Variants in IQSEC1 observed in about 807,000 individuals in gnomAD.
IQSEC1 encodes IQ motif and Sec7 domain ArfGEF 1.
A neutral mutation model predicts 91.0 loss-of-function variants in IQSEC1; 31 were observed. The ratio of observed to expected loss-of-function variants is 0.34; its 90% CI spans 0.26 to 0.46. IQSEC1 has a LOEUF of 0.46. Ranked by LOEUF, IQSEC1 falls within the 20% of genes least tolerant of loss-of-function variation. The pLI is 1.00. For missense variants in IQSEC1, 1,388 were observed against 1,575.6 expected, an observed-to-expected ratio of 0.88 and a Z score of 2.02; for synonymous variants, 699 against 662.6, an observed-to-expected ratio of 1.05 and a Z score of -0.84.
At position 12,932,169 on chromosome 3, in the gene IQSEC1, T is replaced by C. The variant is rs149824554; in HGVS notation, c.1568+3279A>G. ...TACCAGGTACAGGAGCAGGAGACGC[T>C]GGGGTGGGGTTCCAATGCGGAGGTG... On this transcript the variant is annotated intron_variant, in intron 3 of 13. Transcript: ENST00000613206. Among the ~76,000 whole-genome samples the C allele has an allele frequency of 5.8e-3, 890 of 152,222 alleles. 2 individuals carry two copies. The highest frequency in any genetic ancestry group is 0.02 in the Middle Eastern group (6 of 294).
intron 1 of IQSEC1, among the ~76,000 whole-genome samples, chr3:13,010,480 A>C (rs1025880993): frequency 5.9e-5 from 9 of 152,176 alleles, no homozygotes; most frequent in Admixed American, 4.6e-4. Flanking sequence ...TGGATATGAC[A>C]AATGTCGACC....
chr3:13,149,653 C>A (rs879569637), intron 2 of IQSEC1, among the ~76,000 whole-genome samples: 1 of 152,116 alleles, frequency 6.6e-6, no homozygotes, highest in East Asian at 1.9e-4. Context: ...AAGGTGTCAT[C>A]CCCGTGTGCA....
Position 13,214,862 on chromosome 3 carries a change from G to A in IQSEC1, c.273-50729C>T, listed in dbSNP as rs1252609269. 1.3e-5 allele frequency among the ~76,000 whole-genome samples: 2 copies of A among 152,218 alleles called. No homozygotes were observed. The highest frequency in any genetic ancestry group is 2.4e-5 in the African/African-American group (1 of 41,460). On this transcript the variant is annotated intron_variant, in intron 1 of 15. Transcript: ENST00000648114. This position sits in a 1 kb window ranked among gnomAD's most constrained non-coding sequence, Gnocchi z 4.5. ...CAGGTCCCAGTGTTTGCAGCTGAGC[G>A]CCAGGACCGACGTCGGGCTCTGCTG...
intron 1 of IQSEC1, among the ~76,000 whole-genome samples, chr3:13,041,467 GCAGA>G (rs2125040555): frequency 6.6e-6 from 1 of 152,314 alleles, no homozygotes; most frequent in South Asian, 2.1e-4. Context: ...GCTAATGGCC[GCAGA>G]CTTCACAGAG....
At chr3:13,014,821 C>T (rs1471263955) in intron 1 of IQSEC1, among the ~76,000 whole-genome samples, 1 of 152,226 alleles carries the variant, frequency 6.6e-6, no homozygotes, top group Non-Finnish European at 1.5e-5. Flanking sequence ...CAGGGATCTA[C>T]AGATCCTCAA....
At position 13,157,111 on chromosome 3, in the gene IQSEC1, T is replaced by TG. The variant is rs556180444; in HGVS notation, c.302+6992dup. Among the ~76,000 whole-genome samples, 4 of 152,356 alleles carry TG rather than the reference T, an allele frequency of 2.6e-5. No homozygotes were observed. The East Asian group carries it at 7.7e-4, about 29-fold the overall frequency. The stretch of plus-strand genomic sequence containing the variant: ...TCCCAAACACTGGACCTGGGTCAGA[T>TG]GCACACATACACATTGTGTCACCAC... On this transcript the variant is annotated intron_variant, in intron 2 of 15. Transcript: ENST00000648114.
chr3:13,153,912 G>A (rs1179016184), intron 2 of IQSEC1, among the ~76,000 whole-genome samples: 1 of 152,150 alleles, frequency 6.6e-6, no homozygotes. Context: ...ATGGAGGTAT[G>A]AGTGTGCCTG....
At chr3:13,088,569 C>A (rs1305868488) in intron 2 of IQSEC1, among the ~76,000 whole-genome samples, 1 of 152,124 alleles carries the variant, frequency 6.6e-6, no homozygotes, top group Non-Finnish European at 1.5e-5. Flanking sequence ...TGATTCAGCT[C>A]TCAGCCAGAC....
At chr3:13,248,742 G>T (rs960390132) in intron 1 of IQSEC1, among the ~76,000 whole-genome samples, 1 of 152,184 alleles carries the variant, frequency 6.6e-6, no homozygotes, top group Non-Finnish European at 1.5e-5. Context: ...TACAGACCAG[G>T]CTATTTTTAT....
intron 1 of IQSEC1, among the ~76,000 whole-genome samples, chr3:13,240,478 G>C (rs1484223401): frequency 1.3e-5 from 2 of 152,202 alleles, no homozygotes; most frequent in Admixed American, 6.5e-5. Context: ...TCAGAGGCTT[G>C]GAGGAACCCA....
intron 12 of IQSEC1, among the ~76,000 whole-genome samples, chr3:12,905,522 G>A (rs1473942913): frequency 6.6e-6 from 1 of 152,272 alleles, no homozygotes; most frequent in Non-Finnish European, 1.5e-5. Context: ...GGGCCCACAG[G>A]GTCTGACCGC....
upstream of IQSEC1, among the ~76,000 whole-genome samples, chr3:13,076,390 C>T (rs1195684592): frequency 6.6e-6 from 1 of 152,194 alleles, no homozygotes; most frequent in East Asian, 1.9e-4. Flanking sequence ...CATCTCACAT[C>T]CATCTCCCTT....
intron 1 of IQSEC1, among the ~76,000 whole-genome samples, chr3:13,200,013 C>T (rs547957771): frequency 1.7e-4 from 25 of 150,486 alleles, no homozygotes; most frequent in African/African-American, 5.4e-4. Flanking sequence ...CACACACACA[C>T]GCCACATGTA....
At chr3:13,197,530 T>C (rs965342532) in intron 1 of IQSEC1, among the ~76,000 whole-genome samples, 1 of 151,872 alleles carries the variant, frequency 6.6e-6, no homozygotes, top group Admixed American at 6.6e-5. Flanking sequence ...GCCTCAAATG[T>C]CCCCCACAGG....
chr3:13,173,398 C>T (rs1232849972), intron 1 of IQSEC1, among the ~76,000 whole-genome samples: 1 of 152,236 alleles, frequency 6.6e-6, no homozygotes, highest in Admixed American at 6.5e-5. Flanking sequence ...GCAGCCCGGG[C>T]TCCCCCGGGG....
chr3:12,901,646 C>A, intron 13 of IQSEC1, 124 bp from the exon 14 acceptor site: 1 of 821,388 alleles, frequency 1.2e-6, no homozygotes, highest in Non-Finnish European at 1.9e-6. Flanking sequence ...AACTCACTGG[C>A]CAGAGGGTGG....
In IQSEC1 at chr3:13,103,339, C is replaced by T. The variant is rs1294431194; in HGVS notation, c.303-55817G>A. ...AGCCACCTTTTTAATTAACCGCCCC[C>T]GCCAACACACCCGAGGCACCAATAG... On this transcript the variant is annotated intron_variant, in intron 2 of 15. Coordinates refer to the IQSEC1 transcript ENST00000648114. This position sits in a 1 kb window ranked among gnomAD's most constrained non-coding sequence, Gnocchi z 4.1. Among the ~76,000 whole-genome samples, 2 of 152,110 alleles carry T rather than the reference C, an allele frequency of 1.3e-5. No individual in the cohort carries two copies. The highest frequency in any genetic ancestry group is 6.5e-5 in the Admixed American group (1 of 15,270).
chr3:12,938,619 G>A (rs1031041832), intron 2 of IQSEC1, among the ~76,000 whole-genome samples: 2 of 152,146 alleles, frequency 1.3e-5, no homozygotes, highest in African/African-American at 4.8e-5. Context: ...GGTTGTGAGT[G>A]GAGCTTAGAA....
chr3:13,122,308 G>A (rs1390930434), intron 2 of IQSEC1, among the ~76,000 whole-genome samples: 1 of 152,272 alleles, frequency 6.6e-6, no homozygotes, highest in Non-Finnish European at 1.5e-5. Context: ...GCGAGTCCAG[G>A]AAGAGTTGAG....
Sources: allele counts gnomAD v4.1 joint callset (sites outside exome capture counted in the v4.1 genomes callset), GRCh38; gene constraint gnomAD v4.1.1; non-coding constraint Gnocchi (gnomAD v3.1); transcripts MANE v1.5; gene names NCBI Gene and HGNC (gene_info 2026-07-23, HGNC 2026-07-21).